The following ASAP1 variants were observed in gnomAD, a reference collection of about 807,000 sequenced individuals.
ASAP1 encodes arf-GAP with SH3 domain, ANK repeat and PH domain-containing protein 1.
In ASAP1, 43 loss-of-function variants were observed where a neutral mutation model predicts 145.2. The observed-to-expected ratio is 0.30, with a 90% CI of 0.23 to 0.38. The LOEUF (loss-of-function observed/expected upper bound fraction) is 0.38, where lower values mean the gene tolerates loss of function less well. Ranked by LOEUF, ASAP1 falls within the 10% of genes least tolerant of loss-of-function variation. The pLI is 1.00. For synonymous variants in ASAP1, 546 were observed against 515.5 expected, an observed-to-expected ratio of 1.06 and a Z score of -0.80; for missense variants, 1,018 against 1,355.3, an observed-to-expected ratio of 0.75 and a Z score of 3.91.
chr8:130,241,402 C>T (rs533384588), intron 3 of ASAP1, among the ~76,000 whole-genome samples: 2 of 152,098 alleles, frequency 1.3e-5, no homozygotes, highest in African/African-American at 4.8e-5. Context: ...AATGGAAGTT[C>T]TATGAAAGCA....
intron 1 of ASAP1, among the ~76,000 whole-genome samples, chr8:130,432,320 T>A (rs938106542): frequency 1.3e-5 from 2 of 152,002 alleles, no homozygotes; most frequent in Admixed American, 6.5e-5. Context: ...AAATAATAAG[T>A]TGGGTTTTTG....
At chr8:130,102,539 A>G (rs931453010) in intron 24 of ASAP1, among the ~76,000 whole-genome samples, 4 of 152,196 alleles carry the variant, frequency 2.6e-5, no homozygotes, top group African/African-American at 9.7e-5. Flanking sequence ...TTCCACAAGA[A>G]TATTGGCTGG....
At chr8:130,377,843 C>G (rs1261652890) in intron 2 of ASAP1, among the ~76,000 whole-genome samples, 3 of 152,194 alleles carry the variant, frequency 2.0e-5, no homozygotes, top group Admixed American at 6.5e-5. Flanking sequence ...CTCTCTCACC[C>G]CTTCAGACCT....
rs1042909430 is a variant in ASAP1, at chr8:130,118,549, T to C, written c.1734A>G (p.Ala578=). The change falls in exon 19 of 30, where the codon GCA becomes GCG. Residue 578 remains alanine (A), a synonymous_variant. Coordinates refer to ENST00000518721, the MANE Select transcript of ASAP1 (RefSeq NM_018482.4). ...CCCCTTCTGCATAGACTTGAATTAG[T>C]GCAAGTAAATCCCTGGATTTGATGG... The part of the protein sequence containing the change: ...LEAIKSRDLL[A]LIQVYAEGVE... 3 of 1,614,070 alleles carry C rather than the reference T, an allele frequency of 1.9e-6. No individual in the cohort carries two copies. Among genetic ancestry groups the C allele is most frequent in the African/African-American group, 2.7e-5 (2 of 74,946 alleles).
chr8:130,188,133 T>C lies in ASAP1; in HGVS notation c.456A>G (p.Lys152=). 1 of 1,613,808 alleles carries C rather than the reference T, an allele frequency of 6.2e-7. No individual in the cohort carries two copies. Among genetic ancestry groups the C allele is most frequent in the African/African-American group, 1.3e-5 (1 of 75,054 alleles). Residue 152 remains lysine, a synonymous_variant, in exon 6 of 30, where the codon AAA becomes AAG. Coordinates refer to ENST00000518721, the MANE Select transcript of ASAP1 (RefSeq NM_018482.4). ...CTCCTTTGACTCCCTTTAGGTCTCC[T>C]TTTAACAAAGAATCCAAGGTGAAGA... is the stretch of plus-strand genomic sequence containing the variant. ...NVIFTLDSLL[K]GDLKGVKGDL... is the part of the protein sequence containing the mutation.
chr8:130,310,538 G>A (rs1048381722), intron 3 of ASAP1, among the ~76,000 whole-genome samples: 4 of 152,164 alleles, frequency 2.6e-5, no homozygotes, highest in African/African-American at 9.7e-5. Flanking sequence ...AGCAGTGATA[G>A]TAACTAGACA....
At chr8:130,277,922 C>G (rs1005740212) in intron 3 of ASAP1, among the ~76,000 whole-genome samples, 1 of 152,114 alleles carries the variant, frequency 6.6e-6, no homozygotes, top group African/African-American at 2.4e-5. Flanking sequence ...GGGAGCCTCT[C>G]GGGAGGACCT....
At chr8:130,274,144 T>G (rs1296684804) in intron 3 of ASAP1, among the ~76,000 whole-genome samples, 1 of 152,184 alleles carries the variant, frequency 6.6e-6, no homozygotes, top group African/African-American at 2.4e-5. Flanking sequence ...ATTCTTCTCA[T>G]ACTAATGTAT....
At chr8:130,435,016 G>A (rs1187342164) in intron 1 of ASAP1, among the ~76,000 whole-genome samples, 3 of 152,166 alleles carry the variant, frequency 2.0e-5, no homozygotes, top group Non-Finnish European at 4.4e-5. Context: ...TAGAAGGCAC[G>A]TTGGCTGCTG....
At chr8:130,192,092 A>G (rs1441762752) in intron 5 of ASAP1, among the ~76,000 whole-genome samples, 1 of 152,130 alleles carries the variant, frequency 6.6e-6, no homozygotes, top group Non-Finnish European at 1.5e-5. Context: ...TTCTACCAAG[A>G]CAATTCTGTC....
intron 4 of ASAP1, among the ~76,000 whole-genome samples, chr8:130,217,256 T>C (rs1443705556): frequency 6.6e-6 from 1 of 152,212 alleles, no homozygotes; most frequent in Non-Finnish European, 1.5e-5. Context: ...GCATAGTATT[T>C]ACATAATGAA....
intron 5 of ASAP1, among the ~76,000 whole-genome samples, chr8:130,208,428 TA>T (rs1816366507): frequency 3.9e-5 from 6 of 152,232 alleles, no homozygotes; most frequent in African/African-American, 1.4e-4. Context: ...CTCCCTTTCC[TA>T]ACCGCTGGTA....
chr8:130,343,324 T>G (rs1825506498), intron 3 of ASAP1, among the ~76,000 whole-genome samples: 1 of 152,172 alleles, frequency 6.6e-6, no homozygotes, highest in South Asian at 2.1e-4. Context: ...AACACTGAGA[T>G]GACACTGGCT....
chr8:130,439,168 GC>G (rs1830411587), intron 1 of ASAP1, among the ~76,000 whole-genome samples: 1 of 152,158 alleles, frequency 6.6e-6, no homozygotes, highest in East Asian at 1.9e-4. Flanking sequence ...GACCAACACT[GC>G]CGGCTTTGGA....
chr8:130,154,023 A>G lies in ASAP1; in HGVS notation c.1011-1218T>C, dbSNP rs149535908. ...AGCCTGGACAACATAGGGAAATCCC[A>G]TATCTACAAAAAATAAAAATTAAAG... On this transcript the variant is annotated intron_variant, in intron 12 of 29. Transcript: ENST00000518721. 3.1e-3 allele frequency among the ~76,000 whole-genome samples: 477 copies of G among 152,296 alleles called. 1 individual carries two copies. The highest frequency in any genetic ancestry group is 0.011 in the African/African-American group (461 of 41,560).
chr8:130,061,692 C>G (rs974776463), intron 27 of ASAP1, among the ~76,000 whole-genome samples: 17 of 152,160 alleles, frequency 1.1e-4, no homozygotes, highest in African/African-American at 2.4e-5. Context: ...TTTGGTGATA[C>G]ACACGCGTGT....
chr8:130,185,357 C>T (rs1441202958), intron 7 of ASAP1, among the ~76,000 whole-genome samples: 1 of 152,164 alleles, frequency 6.6e-6, no homozygotes, highest in Non-Finnish European at 1.5e-5. Context: ...AGTCATTAGG[C>T]ACTGGTAGAA....
intron 1 of ASAP1, among the ~76,000 whole-genome samples, chr8:130,428,421 CCAT>C (rs1206044861): frequency 9.5e-4 from 1 of 1,058 alleles, no homozygotes; most frequent in Non-Finnish European, 2.4e-3. Context: ...ACCACCATCA[CCAT>C]CATCATCATC....
At chr8:130,379,070 A>G (rs1827640359) in intron 2 of ASAP1, among the ~76,000 whole-genome samples, 2 of 152,232 alleles carry the variant, frequency 1.3e-5, no homozygotes, top group Non-Finnish European at 2.9e-5. Flanking sequence ...AAGAAGGACT[A>G]AAGATAGAGC....
Sources: allele counts gnomAD v4.1 joint callset (sites outside exome capture counted in the v4.1 genomes callset), GRCh38; gene constraint gnomAD v4.1.1; transcripts MANE v1.5; gene names NCBI Gene and HGNC (gene_info 2026-07-23, HGNC 2026-07-21).